Variants in FOXK1 observed in about 807,000 individuals in gnomAD.
FOXK1 encodes forkhead box K1, also known as forkhead box protein K1.
Under a neutral mutation model 51.9 loss-of-function variants are expected in FOXK1, and 19 were observed. The ratio of observed to expected loss-of-function variants is 0.37; its 90% confidence interval spans 0.26 to 0.54. The LOEUF (loss-of-function observed/expected upper bound fraction) is 0.54. Among genes scored for constraint, FOXK1 ranks in the 20% least tolerant of loss-of-function variants. The pLI is 0.87. For synonymous variants in FOXK1, 537 were observed against 482.6 expected (o/e 1.11, Z -1.48); for missense variants, 870 against 1,032.7 (o/e 0.84, Z 2.16).
rs965686622 is a variant in FOXK1, at chr7:4,753,625, G to A, written c.747-834G>A. On this transcript the variant is annotated intron_variant, in intron 2 of 8. Transcript: ENST00000328914. This position sits in a 1 kb window ranked among gnomAD's most constrained non-coding sequence, Gnocchi z 4.9. ...TCGGGAGGTTCTGCACCCACTCTTC[G>A]TGTCTTCATTGGCTTTCTCTGAATA... Among the ~76,000 whole-genome samples the A allele has an allele frequency of 9.9e-5, 15 of 152,198 alleles. No homozygotes were observed. The highest frequency in any genetic ancestry group is 9.2e-4 in the Admixed American group (14 of 15,280).
intron 1 of FOXK1, among the ~76,000 whole-genome samples, chr7:4,706,122 G>A (rs1005192018): frequency 9.9e-5 from 15 of 151,034 alleles, no homozygotes; most frequent in East Asian, 3.9e-4. Context: ...ACAGAAATGC[G>A]AGCAGGAGAA....
Position 4,743,051 on chromosome 7 carries a change from G to A in FOXK1, c.746+2028G>A, listed in dbSNP as rs1447806793. On this transcript the variant is annotated intron_variant, in intron 2 of 8. Transcript: ENST00000328914. The surrounding 1 kb of genome is among the most constrained non-coding windows in gnomAD (Gnocchi z 5.3). Reference sequence around the variant, plus strand: ...CCCCACCTTCCCGGGCCCGGTTCCCGTCTGAGTCAGTGCTGTGACGTCATG... The same window carrying A: ...CCCCACCTTCCCGGGCCCGGTTCCCATCTGAGTCAGTGCTGTGACGTCATG... Among the ~76,000 whole-genome samples, 4 of 152,172 alleles carry A rather than the reference G, an allele frequency of 2.6e-5. No homozygotes were observed. Among genetic ancestry groups the A allele is most frequent in the East Asian group, 1.9e-4 (1 of 5,190 alleles).
In FOXK1 at chr7:4,711,608, C is replaced by T. The variant is rs551393702; in HGVS notation, c.560+28740C>T. On this transcript the variant is annotated intron_variant, in intron 1 of 8. Transcript: ENST00000328914. The surrounding 1 kb of genome is among the most constrained non-coding windows in gnomAD (Gnocchi z 6.3). ...AGTGGGTCTCAAGAGTGCCACTCCT[C>T]GGCATTGTGTGGATGGGCGGTAGTG... 2.4e-4 allele frequency among the ~76,000 whole-genome samples: 37 copies of T among 152,240 alleles called. 1 individual carries two copies. The South Asian group carries it at 7.5e-3, about 31-fold the overall frequency.
rs1283151117 is a variant in FOXK1, at chr7:4,703,909, C to G, written c.560+21041C>G. Among the ~76,000 whole-genome samples, 2 of 152,084 alleles carry G rather than the reference C, an allele frequency of 1.3e-5. No homozygotes were observed. The highest frequency in any genetic ancestry group is 4.8e-5 in the African/African-American group (2 of 41,390). The stretch of plus-strand genomic sequence containing the variant: ...TTATGACCATGAAGGCTAAATACTC[C>G]CAGTCACTATAAATACAGAAAACCA... On this transcript the variant is annotated intron_variant, in intron 1 of 8. Coordinates refer to ENST00000328914, the MANE Select transcript of FOXK1 (RefSeq NM_001037165.2). The surrounding 1 kb of genome is among the most constrained non-coding windows in gnomAD (Gnocchi z 5.6).
chr7:4,744,553 T>TC (rs1780676591), intron 2 of FOXK1, among the ~76,000 whole-genome samples: 1 of 152,250 alleles, frequency 6.6e-6, no homozygotes, highest in Non-Finnish European at 1.5e-5. Flanking sequence ...CGCCTCCAGC[T>TC]CCATCGCGTT....
Position 4,729,968 on chromosome 7 carries a change from C to T in FOXK1, c.561-10870C>T, listed in dbSNP as rs981827744. On this transcript the variant is annotated intron_variant, in intron 1 of 8. Coordinates refer to ENST00000328914, the MANE Select transcript of FOXK1 (RefSeq NM_001037165.2). The surrounding 1 kb of genome is among the most constrained non-coding windows in gnomAD (Gnocchi z 6.2). ...TCCAGCCACTGCCCTCCAGCCTGGG[C>T]GACAGAGCGAGACTCTGTCGAAACA... is the stretch of plus-strand genomic sequence containing the variant. 1.6e-4 allele frequency among the ~76,000 whole-genome samples: 25 copies of T among 151,866 alleles called. No homozygotes were observed. Among genetic ancestry groups the T allele is most frequent in the Non-Finnish European group, 2.9e-4 (20 of 67,972 alleles).
chr7:4,683,311 C>A lies in FOXK1; in HGVS notation c.560+443C>A, dbSNP rs1018521015. Reference sequence around the variant, plus strand: ...CAGATCCCTGCTGCTCCCCAGCTCCCATCGGCCTGGACTCCGGGGTCATTC... The same window carrying A: ...CAGATCCCTGCTGCTCCCCAGCTCCAATCGGCCTGGACTCCGGGGTCATTC... On this transcript the variant is annotated intron_variant, in intron 1 of 8. Transcript: ENST00000328914. The surrounding 1 kb of genome is among the most constrained non-coding windows in gnomAD (Gnocchi z 4.5). Among the ~76,000 whole-genome samples, 1 of 149,338 alleles carries A rather than the reference C, an allele frequency of 6.7e-6. No individual in the cohort carries two copies. Among genetic ancestry groups the A allele is most frequent in the Non-Finnish European group, 1.5e-5 (1 of 67,170 alleles).
chr7:4,754,025 C>T (rs575246938), intron 2 of FOXK1, among the ~76,000 whole-genome samples: 21 of 152,314 alleles, frequency 1.4e-4, no homozygotes, highest in Middle Eastern at 3.4e-3. Flanking sequence ...TGTGACCACA[C>T]GGGGTTGTCC....
At chr7:4,695,414 A>G (rs1203698270) in intron 1 of FOXK1, among the ~76,000 whole-genome samples, 2 of 152,208 alleles carry the variant, frequency 1.3e-5, no homozygotes, top group Non-Finnish European at 2.9e-5. Flanking sequence ...CAGGGATGCC[A>G]TGGCGAGTCT....
chr7:4,685,360 G>A (rs947754820), intron 1 of FOXK1, among the ~76,000 whole-genome samples: 19 of 150,656 alleles, frequency 1.3e-4, no homozygotes, highest in African/African-American at 4.1e-4. Flanking sequence ...GACTACAGGC[G>A]CACAACACCA....
In FOXK1 at chr7:4,762,833, C is replaced by A. The variant is rs1238395758; in HGVS notation, c.*369C>A. On this transcript the variant is annotated 3_prime_UTR_variant, in exon 9 of 9. Coordinates refer to ENST00000328914, the MANE Select transcript of FOXK1 (RefSeq NM_001037165.2). The surrounding 1 kb of genome is among the most constrained non-coding windows in gnomAD (Gnocchi z 5.7). ...CTCCGCTCCGCGCTGCACGGCCAGC[C>A]GCCTTTGTCCGGGAGGACAGACAGA... 2 of 206,110 alleles carry A rather than the reference C, an allele frequency of 9.7e-6. No individual in the cohort carries two copies. The highest frequency in any genetic ancestry group is 2.0e-5 in the Non-Finnish European group (2 of 101,270). The allele number at this position is 206,110 out of a possible 1,614,324, so 12.8% of individuals were successfully genotyped here.
chr7:4,732,469 C>T (rs1053035308), intron 1 of FOXK1, among the ~76,000 whole-genome samples: 29 of 152,138 alleles, frequency 1.9e-4, no homozygotes, highest in Non-Finnish European at 4.3e-4. Context: ...ATTTCTTAAA[C>T]AATTTTTAGA....
At position 4,767,457 on chromosome 7, in the gene FOXK1, G is replaced by C. The variant is rs1384282731; in HGVS notation, c.*4993G>C. The C allele has an allele frequency of 6.6e-6, 1 of 152,228 alleles. No individual in the cohort carries two copies. The highest frequency in any genetic ancestry group is 2.4e-5 in the African/African-American group (1 of 41,460). The allele number at this position is 152,228 out of a possible 1,614,324, so 9.4% of individuals were successfully genotyped here. A position where few individuals can be genotyped will look rare whatever the true frequency, so the allele number is the denominator to read the frequency against. On this transcript the variant is annotated 3_prime_UTR_variant, in exon 9 of 9. Transcript: ENST00000328914. This position sits in a 1 kb window ranked among gnomAD's most constrained non-coding sequence, Gnocchi z 6.6. The stretch of plus-strand genomic sequence containing the variant: ...GTGTTTACCCACAGCCTCGCCTCGA[G>C]CCTCCTTGACAATACCGCTGCTTCA...
rs1228096676 is a variant in FOXK1, at chr7:4,756,744, G to A, written c.1051-250G>A. ...CGTGCCACTGCACTCCATCCTGGGC[G>A]ACAGAATGAGACTCCGTCAAAAAAA... On this transcript the variant is annotated intron_variant, in intron 4 of 8. Coordinates refer to ENST00000328914, the MANE Select transcript of FOXK1 (RefSeq NM_001037165.2). The surrounding 1 kb of genome is among the most constrained non-coding windows in gnomAD (Gnocchi z 4.1). 1.3e-5 allele frequency among the ~76,000 whole-genome samples: 2 copies of A among 151,004 alleles called. No individual in the cohort carries two copies. The highest frequency in any genetic ancestry group is 2.9e-5 in the Non-Finnish European group (2 of 67,840).
chr7:4,755,132 C>T lies in FOXK1; in HGVS notation c.904-105C>T, dbSNP rs537500765. On this transcript the variant is annotated intron_variant, in intron 3 of 8. Coordinates refer to ENST00000328914, the MANE Select transcript of FOXK1 (RefSeq NM_001037165.2). This position sits in a 1 kb window ranked among gnomAD's most constrained non-coding sequence, Gnocchi z 6.6. Reference sequence around the variant, plus strand: ...CACTGGGACGGGTGCCGGCAAGACGCGCACATTCTCGTGGGAAGGTTCCTC... The same window carrying T: ...CACTGGGACGGGTGCCGGCAAGACGTGCACATTCTCGTGGGAAGGTTCCTC... The T allele has an allele frequency of 6.2e-5, 89 of 1,431,076 alleles. No homozygotes were observed. Among genetic ancestry groups the T allele is most frequent in the East Asian group, 6.1e-4 (26 of 42,700 alleles). 88.6% of individuals were successfully genotyped at this position (1,431,076 alleles called of 1,614,324 possible). A position where few individuals can be genotyped will look rare whatever the true frequency, so the allele number is the denominator to read the frequency against.
intron 2 of FOXK1, among the ~76,000 whole-genome samples, chr7:4,746,134 A>G (rs181420340): frequency 6.6e-5 from 10 of 152,332 alleles, no homozygotes; most frequent in Non-Finnish European, 1.3e-4. Context: ...GAGATCAAAA[A>G]TGAAAGTAAC....
intron 1 of FOXK1, among the ~76,000 whole-genome samples, chr7:4,712,071 A>G (rs1170124782): frequency 6.6e-6 from 1 of 150,788 alleles, no homozygotes; most frequent in African/African-American, 2.4e-5. Flanking sequence ...TTTTTTTATC[A>G]GTCTCTCACT....
At chr7:4,738,665 G>T (rs544784576) in intron 1 of FOXK1, among the ~76,000 whole-genome samples, 1 of 152,108 alleles carries the variant, frequency 6.6e-6, no homozygotes, top group African/African-American at 2.4e-5. Flanking sequence ...AGATTCACTC[G>T]CTGGGCCGTG....
chr7:4,707,245 G>A lies in FOXK1; in HGVS notation c.560+24377G>A, dbSNP rs559304858. Among the ~76,000 whole-genome samples the A allele has an allele frequency of 2.6e-5, 4 of 152,292 alleles. No individual in the cohort carries two copies. In the East Asian group the frequency reaches 7.7e-4, roughly 29 times the overall value. On this transcript the variant is annotated intron_variant, in intron 1 of 8. Transcript: ENST00000328914. This position sits in a 1 kb window ranked among gnomAD's most constrained non-coding sequence, Gnocchi z 4.1. ...GTGCGGGGAGCTCAGGGCGTTCGGG[G>A]TGGTGTTCTGGTGGAGGGGACGCTG...
Sources: gnomAD v4.1 joint callset for allele counts (sites outside exome capture counted in the v4.1 genomes callset) on GRCh38, gnomAD v4.1.1 for gene constraint, Gnocchi (gnomAD v3.1) non-coding constraint, MANE v1.5 for transcripts, NCBI Gene and HGNC (gene_info 2026-07-23, HGNC 2026-07-21) for gene names.